Variants in PTPRD observed in about 807,000 individuals in gnomAD.
PTPRD encodes receptor-type tyrosine-protein phosphatase delta.
In PTPRD, 34 loss-of-function variants were observed where a neutral mutation model predicts 214.5. The observed-to-expected ratio is 0.16, with a 90% CI of 0.12 to 0.21. PTPRD has a LOEUF of 0.21. Among genes scored for constraint, PTPRD ranks in the 10% least tolerant of loss-of-function variants. PTPRD has a pLI of 1.00. For synonymous variants in PTPRD, 1,128 were observed against 845.7 expected (o/e 1.33, Z -5.79); for missense variants, 2,545 against 2,398.7 (o/e 1.06, Z -1.27).
chr9:9,693,092 C>T (rs750845973), intron 7 of PTPRD, among the ~76,000 whole-genome samples: 12 of 151,864 alleles, frequency 7.9e-5, no homozygotes, highest in Non-Finnish European at 1.3e-4. Context: ...TCTTCCTTTC[C>T]AATTTGGATG....
intron 8 of PTPRD, among the ~76,000 whole-genome samples, chr9:9,476,202 A>T (rs2095029883): frequency 1.3e-5 from 2 of 152,080 alleles, no homozygotes; most frequent in African/African-American, 4.8e-5. Context: ...GCTGACTCCT[A>T]GTGTGTCTAT....
At chr9:8,582,498 C>T (rs1280327101) in intron 14 of PTPRD, among the ~76,000 whole-genome samples, 1 of 151,828 alleles carries the variant, frequency 6.6e-6, no homozygotes, top group Non-Finnish European at 1.5e-5. Flanking sequence ...CTATTTTTTT[C>T]AATGCATTTA....
chr9:8,348,452 C>G (rs1564156683), intron 39 of PTPRD, among the ~76,000 whole-genome samples: 1 of 152,080 alleles, frequency 6.6e-6, no homozygotes, highest in East Asian at 1.9e-4. Context: ...GATTACTGGG[C>G]TCCAATATTA....
intron 5 of PTPRD, among the ~76,000 whole-genome samples, chr9:9,773,555 G>C (rs2098770902): frequency 6.6e-6 from 1 of 152,136 alleles, no homozygotes; most frequent in Admixed American, 6.5e-5. Context: ...AAAGAATAAA[G>C]AGTATTCCAT....
chr9:9,036,806 C>G (rs946555810), intron 10 of PTPRD, among the ~76,000 whole-genome samples: 16 of 152,110 alleles, frequency 1.1e-4, no homozygotes, highest in African/African-American at 3.1e-4. Context: ...TATATCCCAC[C>G]CTGTTAATGA....
chr9:8,653,887 G>A (rs547779916), intron 12 of PTPRD, among the ~76,000 whole-genome samples: 3 of 151,982 alleles, frequency 2.0e-5, no homozygotes, highest in South Asian at 4.2e-4. Context: ...CCACCTCTTC[G>A]CCATGCCCTA....
intron 8 of PTPRD, among the ~76,000 whole-genome samples, chr9:9,448,257 T>A (rs1461630209): frequency 6.6e-6 from 1 of 152,050 alleles, no homozygotes; most frequent in African/African-American, 2.4e-5. Context: ...GGTTTGGCTA[T>A]GTGTCCCCAC....
chr9:10,287,869 A>G (rs1206848070), intron 3 of PTPRD, among the ~76,000 whole-genome samples: 1 of 152,008 alleles, frequency 6.6e-6, no homozygotes, highest in Non-Finnish European at 1.5e-5. Flanking sequence ...TGACCAACAT[A>G]GTGTTTTGCC....
chr9:9,896,941 T>C (rs1047931648), intron 5 of PTPRD, among the ~76,000 whole-genome samples: 1 of 152,060 alleles, frequency 6.6e-6, no homozygotes, highest in African/African-American at 2.4e-5. Flanking sequence ...ATATTTGCAA[T>C]CTCAAAGCTT....
intron 8 of PTPRD, among the ~76,000 whole-genome samples, chr9:9,419,341 G>T (rs1191897834): frequency 6.6e-6 from 1 of 151,516 alleles, no homozygotes; most frequent in African/African-American, 2.4e-5. Flanking sequence ...AGGAGTAGCT[G>T]GTTTTAAAAT....
intron 11 of PTPRD, among the ~76,000 whole-genome samples, chr9:8,767,715 G>C (rs559595996): frequency 9.2e-5 from 14 of 152,148 alleles, no homozygotes; most frequent in African/African-American, 3.4e-4. Flanking sequence ...TTTTAATTCG[G>C]ATGCTCAGGT....
At chr9:8,933,921 A>G (rs2098971439) in intron 11 of PTPRD, among the ~76,000 whole-genome samples, 1 of 152,156 alleles carries the variant, frequency 6.6e-6, no homozygotes, top group African/African-American at 2.4e-5. Context: ...CTCCATATAG[A>G]ACTCCTTTCC....
intron 9 of PTPRD, among the ~76,000 whole-genome samples, chr9:9,248,161 C>A (rs2099973885): frequency 6.6e-6 from 1 of 151,932 alleles, no homozygotes; most frequent in Admixed American, 6.6e-5. Context: ...GGTGTGATCT[C>A]AGTTCACTGC....
intron 6 of PTPRD, among the ~76,000 whole-genome samples, chr9:9,742,264 G>A (rs1314519482): frequency 6.6e-6 from 1 of 152,096 alleles, no homozygotes; most frequent in Admixed American, 6.6e-5. Context: ...AGGAAGAGAC[G>A]TGCAAGGAAG....
chr9:8,644,510 G>A lies in PTPRD; in HGVS notation c.65-7666C>T, dbSNP rs536160051. Among the ~76,000 whole-genome samples the A allele has an allele frequency of 9.2e-5, 14 of 152,166 alleles. 1 individual carries two copies. The South Asian group carries it at 1.9e-3, about 20-fold the overall frequency. On this transcript the variant is annotated intron_variant, in intron 12 of 45. Transcript: ENST00000381196. ...CTGAAACATGCCCCTTGCTCACCAC[G>A]TTGCAGATGAAGAGAAGGAGAGAAG...
chr9:9,333,333 A>G (rs982633087), intron 9 of PTPRD, among the ~76,000 whole-genome samples: 3 of 151,614 alleles, frequency 2.0e-5, no homozygotes, highest in South Asian at 4.1e-4. Context: ...TCCATGGAGC[A>G]AAGAATGCAA....
chr9:10,495,739 T>C (rs1802566291), intron 2 of PTPRD, among the ~76,000 whole-genome samples: 1 of 151,814 alleles, frequency 6.6e-6, no homozygotes, highest in African/African-American at 2.4e-5. Flanking sequence ...AATTTAATAA[T>C]AAATGCTAAG....
At chr9:9,456,483 C>T (rs2093019561) in intron 8 of PTPRD, among the ~76,000 whole-genome samples, 1 of 151,782 alleles carries the variant, frequency 6.6e-6, no homozygotes, top group African/African-American at 2.4e-5. Flanking sequence ...CATGGCTTCC[C>T]TGTTCTTACA....
chr9:10,045,637 T>G (rs1328675400), intron 3 of PTPRD, among the ~76,000 whole-genome samples: 2 of 151,760 alleles, frequency 1.3e-5, no homozygotes, highest in East Asian at 3.8e-4. Context: ...TACATTTAGC[T>G]AATATACTCT....
Sources: allele counts gnomAD v4.1 joint callset (sites outside exome capture counted in the v4.1 genomes callset), GRCh38; gene constraint gnomAD v4.1.1; transcripts MANE v1.5; gene names NCBI Gene and HGNC (gene_info 2026-07-23, HGNC 2026-07-21).